PEMT: variants seen among roughly 807,000 people sequenced by gnomAD.
PEMT encodes the protein phosphatidylethanolamine N-methyltransferase, also known as phospholipid methyltransferase.
PEMT carries 23 observed loss-of-function variants against 27.4 expected under a neutral mutation model. That is an observed-to-expected ratio of 0.84 (90% CI 0.60 to 1.19). The LOEUF (loss-of-function observed/expected upper bound fraction) is 1.19. PEMT is among the 50% of genes most tolerant of loss of function. PEMT has a pLI of 0.00. For missense variants in PEMT, 307 were observed against 310.1 expected (o/e 0.99, Z 0.07); for synonymous variants, 137 against 139.1 (o/e 0.98, Z 0.11).
At position 17,561,063 on chromosome 17, in the gene PEMT, C is replaced by T. The variant is rs1910439502; in HGVS notation, c.204+15857G>A. Among the ~76,000 whole-genome samples, 1 of 152,086 alleles carries T rather than the reference C, an allele frequency of 6.6e-6. No individual in the cohort carries two copies. The highest frequency in any genetic ancestry group is 2.1e-4 in the South Asian group (1 of 4,816). ...CTCTCCTCCCTTCCTCCAGACCCCACACTCAAATCCTATTTGCCTCAGGTT... is the reference window on the plus strand; with the variant it reads ...CTCTCCTCCCTTCCTCCAGACCCCATACTCAAATCCTATTTGCCTCAGGTT... On this transcript the variant is annotated intron_variant, in intron 2 of 6. Transcript: ENST00000255389. This position sits in a 1 kb window ranked among gnomAD's most constrained non-coding sequence, Gnocchi z 4.5.
intron 2 of PEMT, among the ~76,000 whole-genome samples, chr17:17,548,921 G>GT (rs984821615): frequency 2.8e-4 from 43 of 152,338 alleles, no homozygotes; most frequent in African/African-American, 1.0e-3. Context: ...CACACTAGGT[G>GT]GTGTGTGTCC....
intron 1 of PEMT, among the ~76,000 whole-genome samples, chr17:17,586,069 C>T (rs113852621): frequency 0.047 from 6,230 of 132,456 alleles, 165 homozygotes; most frequent in Middle Eastern, 0.095. Context: ...GGCGACAGAG[C>T]GAGACTCCGT....
In PEMT at chr17:17,506,229, T is replaced by G; in HGVS notation, c.651A>C (p.Glu217Asp). Residue 217 changes from glutamate (E) to aspartate (D), a missense_variant and splice_region_variant, in exon 6 of 7, where the codon GAA (glutamate) becomes GAC (aspartate). Glu to Asp is a conservative substitution (Grantham distance 45). Transcript: ENST00000255389. ...ALTYIVALLY[E>D]EPFTAEIYRQ... ...CACCCGCCGCAGCCCCTACTCACTC[T>G]TCGTATAGGAGAGCCACTATGTAGG... 1 of 1,569,964 alleles carries G rather than the reference T, an allele frequency of 6.4e-7. No homozygotes were observed. The highest frequency in any genetic ancestry group is 8.7e-7 in the Non-Finnish European group (1 of 1,155,968).
At chr17:17,555,693 C>T (rs965634468) in intron 2 of PEMT, among the ~76,000 whole-genome samples, 7 of 152,222 alleles carry the variant, frequency 4.6e-5, no homozygotes, top group African/African-American at 1.4e-4. Flanking sequence ...ACGGCCCATC[C>T]ACCCAGACCA....
chr17:17,578,961 TAAAAA>T (rs985826810), intron 1 of PEMT, among the ~76,000 whole-genome samples: 3 of 151,784 alleles, frequency 2.0e-5, no homozygotes, highest in African/African-American at 7.3e-5. Flanking sequence ...AAACAAAAAA[TAAAAA>T]AAATAAGTGT....
In PEMT at chr17:17,512,350, C is replaced by T. The variant is rs2142512469; in HGVS notation, c.466+159G>A. 6.6e-6 allele frequency among the ~76,000 whole-genome samples: 1 copy of T among 152,324 alleles called. No homozygotes were observed. The highest frequency in any genetic ancestry group is 6.5e-5 in the Admixed American group (1 of 15,312). On this transcript the variant is annotated intron_variant, in intron 4 of 6. Transcript: ENST00000255389. The surrounding 1 kb of genome is among the most constrained non-coding windows in gnomAD (Gnocchi z 6.3). Reference sequence around the variant, plus strand: ...GGAGCCCAGCCTCCTGTTCTAACCACAGACAAGCCAGGCCTGGAGGAGCAA... The same window carrying T: ...GGAGCCCAGCCTCCTGTTCTAACCATAGACAAGCCAGGCCTGGAGGAGCAA...
intron 2 of PEMT, among the ~76,000 whole-genome samples, chr17:17,527,526 T>G (rs1280455742): frequency 1.3e-5 from 2 of 152,224 alleles, no homozygotes; most frequent in Non-Finnish European, 1.5e-5. Context: ...CCTTTCTCTC[T>G]GCCTGTTTCC....
At chr17:17,529,895 C>A (rs1379100755) in intron 2 of PEMT, among the ~76,000 whole-genome samples, 1 of 152,148 alleles carries the variant, frequency 6.6e-6, no homozygotes, top group African/African-American at 2.4e-5. Flanking sequence ...TACAGCCCCA[C>A]CCTGGAGAAG....
At position 17,568,529 on chromosome 17, in the gene PEMT, G is replaced by A. The variant is rs182172288; in HGVS notation, c.204+8391C>T. Among the ~76,000 whole-genome samples the A allele has an allele frequency of 7.6e-4, 115 of 152,310 alleles. 1 individual carries two copies. Among genetic ancestry groups the A allele is most frequent in the Non-Finnish European group, 6.5e-4 (44 of 68,020 alleles). ...ATTGCAGCATTTCAGAGCTAGATGG[G>A]GCCTCAGCTGAGCGTCCTCACTTTA... On this transcript the variant is annotated intron_variant, in intron 2 of 6. Transcript: ENST00000255389.
chr17:17,507,224 G>A (rs1280182646), intron 5 of PEMT: 9 of 1,538,626 alleles, frequency 5.8e-6, no homozygotes, highest in Non-Finnish European at 7.0e-6. Flanking sequence ...GAGGGAGGGA[G>A]GGAGGAAGAG....
At chr17:17,506,448 G>C (rs1245164538) in intron 5 of PEMT, 147 bp from the exon 6 acceptor site, 2 of 582,768 alleles carry the variant, frequency 3.4e-6, no homozygotes, top group Non-Finnish European at 3.1e-6. Context: ...AGGCAGCACT[G>C]CCCCTTCCTG....
intron 4 of PEMT, among the ~76,000 whole-genome samples, chr17:17,509,763 C>T (rs1438837116): frequency 6.6e-6 from 1 of 152,210 alleles, no homozygotes; most frequent in African/African-American, 2.4e-5. Context: ...AGGTGCTGAG[C>T]ACCGCCCCTG....
At chr17:17,532,141 G>T (rs1358660754) in intron 2 of PEMT, among the ~76,000 whole-genome samples, 1 of 152,174 alleles carries the variant, frequency 6.6e-6, no homozygotes, top group Non-Finnish European at 1.5e-5. Flanking sequence ...ACAAGACAAT[G>T]AAAGGACGTT....
intron 1 of PEMT, among the ~76,000 whole-genome samples, chr17:17,586,628 T>A (rs769571266): frequency 1.3e-5 from 2 of 152,212 alleles, no homozygotes; most frequent in East Asian, 3.8e-4. Flanking sequence ...TGAAACCCTG[T>A]GGGATGCGGC....
intron 2 of PEMT, among the ~76,000 whole-genome samples, chr17:17,557,252 G>A (rs1385380982): frequency 6.6e-6 from 1 of 152,148 alleles, no homozygotes; most frequent in Non-Finnish European, 1.5e-5. Context: ...TGACCCTCAC[G>A]CAGGGACACA....
chr17:17,591,984 G>T, upstream of PEMT: 2 of 985,398 alleles, frequency 2.0e-6, no homozygotes, highest in Non-Finnish European at 2.4e-6. Context: ...CCCTGCCCTT[G>T]CCTGGCGGCG....
intron 1 of PEMT, among the ~76,000 whole-genome samples, chr17:17,588,730 C>G (rs1199952482): frequency 6.6e-6 from 1 of 152,220 alleles, no homozygotes; most frequent in Non-Finnish European, 1.5e-5. Flanking sequence ...CTAGGCCCTA[C>G]TGGAGTCATC....
intron 4 of PEMT, among the ~76,000 whole-genome samples, chr17:17,510,801 C>T (rs1377377955): frequency 6.6e-6 from 1 of 152,214 alleles, no homozygotes. Flanking sequence ...GCTCCACCCA[C>T]CATCCTGGCT....
chr17:17,558,694 A>AC (rs1407065865), intron 2 of PEMT, among the ~76,000 whole-genome samples: 9 of 127,426 alleles, frequency 7.1e-5, no homozygotes, highest in Non-Finnish European at 1.5e-4. Context: ...AAAAAAAAAA[A>AC]AAAAACAAAA....
Sources: gnomAD v4.1 joint callset for allele counts (sites outside exome capture counted in the v4.1 genomes callset) on GRCh38, gnomAD v4.1.1 for gene constraint, Gnocchi (gnomAD v3.1) non-coding constraint, MANE v1.5 for transcripts, NCBI Gene and HGNC (gene_info 2026-07-23, HGNC 2026-07-21) for gene names.